The following CEP44 variants were observed in gnomAD, a reference collection of about 807,000 sequenced individuals.
The protein encoded by CEP44 is centrosomal protein 44.
CEP44 carries 45 observed loss-of-function variants against 46.7 expected under a neutral mutation model. The observed-to-expected ratio is 0.96, with a 90% CI of 0.76 to 1.24. The LOEUF (loss-of-function observed/expected upper bound fraction) is 1.24. Among genes scored for constraint, CEP44 ranks in the 50% most tolerant of loss-of-function variants. The pLI is 0.00. For missense variants in CEP44, 475 were observed against 459.7 expected (o/e 1.03, Z -0.30); for synonymous variants, 142 against 146.0 (o/e 0.97, Z 0.20).
rs1268152672 is a variant in CEP44, at chr4:174,314,174, A to G, written c.962-1992A>G. Among the ~76,000 whole-genome samples, 1 of 152,136 alleles carries G rather than the reference A, an allele frequency of 6.6e-6. No homozygotes were observed. Among genetic ancestry groups the G allele is most frequent in the Non-Finnish European group, 1.5e-5 (1 of 68,016 alleles). ...AGTAGAAGAGTCCCTTTCTTTACAG[A>G]GACTTCTTAGCAGTCACTACTGAAG... On this transcript the variant is annotated intron_variant, in intron 9 of 11. Transcript: ENST00000503780. The surrounding 1 kb of genome is among the most constrained non-coding windows in gnomAD (Gnocchi z 4.1).
rs1462542873 is a variant in CEP44 at position 174,310,735 on chromosome 4, G to C, written c.886-48G>C. On this transcript the variant is annotated intron_variant, in intron 8 of 11. Coordinates refer to ENST00000503780, the MANE Select transcript of CEP44 (RefSeq NM_001040157.3). The surrounding 1 kb of genome is among the most constrained non-coding windows in gnomAD (Gnocchi z 4.2). ...TCAGCATTAAGAATATAAAATGAGA[G>C]GGTTTTTCTTTTTATTTCATTCTAA... 5.9e-6 allele frequency: 5 copies of C among 846,738 alleles called. No homozygotes were observed. Among genetic ancestry groups the C allele is most frequent in the Non-Finnish European group, 9.7e-6 (5 of 517,228 alleles). The allele number at this position is 846,738 out of a possible 1,614,324, so 52.5% of individuals were successfully genotyped here.
chr4:174,318,868 G>A lies in CEP44; in HGVS notation c.*1485G>A. ...TCTATTGCCCAGGCTGGAGTGCACT[G>A]GCGTGATCTCGGCTCACTGCACCTT... is the stretch of plus-strand genomic sequence containing the variant. On this transcript the variant is annotated 3_prime_UTR_variant, in exon 12 of 12. Transcript: ENST00000503780. 2.5e-6 allele frequency: 1 copy of A among 393,208 alleles called. No individual in the cohort carries two copies. The highest frequency in any genetic ancestry group is 3.4e-6 in the Non-Finnish European group (1 of 291,108). The allele number at this position is 393,208 out of a possible 1,614,324, so 24.4% of individuals were successfully genotyped here.
intron 1 of CEP44, among the ~76,000 whole-genome samples, chr4:174,289,942 G>A (rs1737998653): frequency 6.6e-6 from 1 of 151,724 alleles, no homozygotes; most frequent in Admixed American, 6.6e-5. Context: ...GGGTTCAAGT[G>A]ATTCTCCTGC....
At position 174,310,908 on chromosome 4, in the gene CEP44, T is replaced by C; in HGVS notation, c.961+50T>C. The C allele has an allele frequency of 3.7e-6, 3 of 818,958 alleles. No homozygotes were observed. The highest frequency in any genetic ancestry group is 6.0e-6 in the Non-Finnish European group (3 of 496,732). 50.7% of individuals were successfully genotyped at this position (818,958 alleles called of 1,614,324 possible). Reference sequence around the variant, plus strand: ...TTGGTATGATGAGTTTTCAGAAAAATGATTGTTATAGTAATTTTAATATTC... The same window carrying C: ...TTGGTATGATGAGTTTTCAGAAAAACGATTGTTATAGTAATTTTAATATTC... On this transcript the variant is annotated intron_variant, in intron 9 of 11. Transcript: ENST00000503780. The surrounding 1 kb of genome is among the most constrained non-coding windows in gnomAD (Gnocchi z 4.2).
intron 4 of CEP44, 81 bp from the exon 5 acceptor site, chr4:174,303,622 C>T: frequency 1.2e-6 from 1 of 863,524 alleles, no homozygotes; most frequent in Non-Finnish European, 1.8e-6. Context: ...GCCATTATTC[C>T]CCTGACCAGG....
chr4:174,308,364 A>G (rs1368610465), intron 6 of CEP44, among the ~76,000 whole-genome samples: 2 of 152,172 alleles, frequency 1.3e-5, no homozygotes. Flanking sequence ...TCCTTAGCAT[A>G]TTAATGCAGA....
chr4:174,308,869 T>C lies in CEP44; in HGVS notation c.678+10T>C. On this transcript the variant is annotated intron_variant, in intron 7 of 11. Coordinates refer to ENST00000503780, the MANE Select transcript of CEP44 (RefSeq NM_001040157.3). Reference sequence around the variant, plus strand: ...CAAGGCTGAGCAACAGGTAACAACTTTGGACTTTTTAAATAGATGCCAGTA... The same window carrying C: ...CAAGGCTGAGCAACAGGTAACAACTCTGGACTTTTTAAATAGATGCCAGTA... 2.5e-6 allele frequency: 4 copies of C among 1,609,604 alleles called. No individual in the cohort carries two copies. The highest frequency in any genetic ancestry group is 3.4e-6 in the Non-Finnish European group (4 of 1,178,222).
intron 3 of CEP44, among the ~76,000 whole-genome samples, chr4:174,300,083 G>T (rs1739539009): frequency 2.6e-5 from 4 of 152,162 alleles, no homozygotes; most frequent in Admixed American, 2.0e-4. Context: ...ATGAATGAGT[G>T]TCCAGGGACA....
rs140007536 is a variant in CEP44, at chr4:174,319,684, A to G, written c.*2301A>G. 4.6e-3 allele frequency: 3,682 copies of G among 798,506 alleles called. 16 individuals are homozygous for G. The highest frequency in any genetic ancestry group is 0.014 in the Middle Eastern group (22 of 1,562). 49.5% of individuals were successfully genotyped at this position (798,506 alleles called of 1,614,324 possible). ...TTATCAGGTGGAAATTTAGAATCCA[A>G]ATTTTCTTAAACTTTAATAACTTGT... On this transcript the variant is annotated 3_prime_UTR_variant, in exon 12 of 12. Transcript: ENST00000503780.
At chr4:174,284,054 G>C in intron 1 of CEP44, 111 bp downstream of exon 1, 1 of 399,318 alleles carries the variant, frequency 2.5e-6, no homozygotes, top group Non-Finnish European at 4.4e-6. Flanking sequence ...CTGGACTCTG[G>C]TGACTGTGTA....
rs568287958 is a variant in CEP44, at chr4:174,308,935, T to C, written c.678+76T>C. 436 of 1,258,222 alleles carry C rather than the reference T, an allele frequency of 3.5e-4. 4 individuals are homozygous for C. The African/African-American group carries it at 5.9e-3, about 17-fold the overall frequency. 77.9% of individuals were successfully genotyped at this position (1,258,222 alleles called of 1,614,324 possible). ...TGTGTAATTATTTCAGCCTCTAAAC[T>C]TTGGAATATTTCTAGCCTTTTGAAT... On this transcript the variant is annotated intron_variant, in intron 7 of 11. Transcript: ENST00000503780.
chr4:174,309,916 A>G lies in CEP44; in HGVS notation c.745A>G (p.Lys249Glu). 6.2e-7 allele frequency: 1 copy of G among 1,612,622 alleles called. No homozygotes were observed. The highest frequency in any genetic ancestry group is 2.2e-5 in the East Asian group (1 of 44,760). ...GCTTGCTGAATGCCAAGAAAATCTTAAGAAACTGACTTCGATAGAGAAAAG... is the reference window on the plus strand; with the variant it reads ...GCTTGCTGAATGCCAAGAAAATCTTGAGAAACTGACTTCGATAGAGAAAAG... ...TMLAECQENL[K>E]KLTSIEKRLD... The change falls in exon 8 of 12, where the codon AAG (lysine) becomes GAG (glutamate). Residue 249 changes from lysine (K) to glutamate (E), a missense_variant. Coordinates refer to ENST00000503780, the MANE Select transcript of CEP44 (RefSeq NM_001040157.3). This position sits in a 1 kb window ranked among gnomAD's most constrained non-coding sequence, Gnocchi z 5.3.
intron 1 of CEP44, among the ~76,000 whole-genome samples, chr4:174,291,130 TA>T (rs1738150094): frequency 6.6e-6 from 1 of 152,138 alleles, no homozygotes; most frequent in Non-Finnish European, 1.5e-5. Flanking sequence ...CCTTAATTAT[TA>T]AAAATTTAAA....
At chr4:174,322,449 G>GCCC (rs1218165992), downstream of CEP44, among the ~76,000 whole-genome samples, 1 of 151,934 alleles carries the variant, frequency 6.6e-6, no homozygotes, top group Non-Finnish European at 1.5e-5. Flanking sequence ...TCCAAATAAT[G>GCCC]CCCCCTAGGT....
chr4:174,291,782 C>CTTTT (rs1208425482), intron 1 of CEP44, among the ~76,000 whole-genome samples: 7 of 81,632 alleles, frequency 8.6e-5, no homozygotes, highest in South Asian at 4.3e-4. Context: ...TTATCTTTTT[C>CTTTT]TTTTCTTTTT....
intron 5 of CEP44, 126 bp from the exon 6 acceptor site, chr4:174,304,121 C>G (rs570619489): frequency 8.7e-7 from 1 of 1,151,244 alleles, no homozygotes; most frequent in African/African-American, 1.6e-5. Context: ...GTCATGTAGT[C>G]TCATTAGAGT....
intron 3 of CEP44, among the ~76,000 whole-genome samples, chr4:174,300,517 T>C (rs1011631616): frequency 3.2e-4 from 49 of 152,282 alleles, no homozygotes; most frequent in Middle Eastern, 3.4e-3. Flanking sequence ...ACCAGTATTA[T>C]CTTGTTTTCT....
intron 9 of CEP44, among the ~76,000 whole-genome samples, chr4:174,315,850 A>C (rs1418393125): frequency 1.3e-5 from 2 of 151,484 alleles, no homozygotes; most frequent in Non-Finnish European, 2.9e-5. Flanking sequence ...CAAAAAAAAA[A>C]AAAAAAAAAG....
chr4:174,302,941 G>A (rs1051818194), intron 4 of CEP44, among the ~76,000 whole-genome samples: 5 of 151,872 alleles, frequency 3.3e-5, no homozygotes, highest in East Asian at 1.9e-4. Context: ...CCGTGACCAC[G>A]CCTGGCTAAT....
Sources: gnomAD v4.1 joint callset for allele counts (sites outside exome capture counted in the v4.1 genomes callset) on GRCh38, gnomAD v4.1.1 for gene constraint, Gnocchi (gnomAD v3.1) non-coding constraint, MANE v1.5 for transcripts, NCBI Gene and HGNC (gene_info 2026-07-23, HGNC 2026-07-21) for gene names.